ALK: variants seen among roughly 807,000 people sequenced by gnomAD.
ALK encodes ALK receptor tyrosine kinase.
A neutral mutation model predicts 163.1 loss-of-function variants in ALK; 74 were observed. That is an observed-to-expected ratio of 0.45 (90% CI 0.38 to 0.55). The LOEUF (loss-of-function observed/expected upper bound fraction) is 0.55. ALK is among the 20% of genes least tolerant of loss of function. The pLI is 0.00. For missense variants in ALK, 2,063 were observed against 2,105.3 expected (o/e 0.98, Z 0.39); for synonymous variants, 960 against 843.2 (o/e 1.14, Z -2.40).
At chr2:29,264,875 A>G (rs560829483) in intron 11 of ALK, among the ~76,000 whole-genome samples, 4 of 152,268 alleles carry the variant, frequency 2.6e-5, no homozygotes, top group East Asian at 3.9e-4. Flanking sequence ...TCTCTTACGC[A>G]TGATTGGAAG....
rs150365031 is a variant in ALK at position 29,718,658 on chromosome 2, C to T, written c.668-961G>A. ...CTACATAATGTCACATGATATTCAC[C>T]GTGGCTCTTTGAGATAGAAATGATC... On this transcript the variant is annotated intron_variant, in intron 1 of 28. Transcript: ENST00000389048. Among the ~76,000 whole-genome samples, 52 of 152,288 alleles carry T rather than the reference C, an allele frequency of 3.4e-4. 1 individual carries two copies. The highest frequency in any genetic ancestry group is 1.3e-3 in the African/African-American group (52 of 41,562).
chr2:29,389,981 C>G (rs924708246), intron 4 of ALK, among the ~76,000 whole-genome samples: 7 of 152,124 alleles, frequency 4.6e-5, no homozygotes. Flanking sequence ...AGGCTTGGAC[C>G]AAGTCAATAT....
intron 26 of ALK, among the ~76,000 whole-genome samples, chr2:29,206,276 TTCCC>T (rs1325250925): frequency 6.7e-6 from 1 of 148,762 alleles, no homozygotes; most frequent in Non-Finnish European, 1.5e-5. Flanking sequence ...CTCTCTCTCG[TTCCC>T]TCCCTCCCTC....
At chr2:29,845,952 G>A (rs915637757) in intron 1 of ALK, among the ~76,000 whole-genome samples, 2 of 152,154 alleles carry the variant, frequency 1.3e-5, no homozygotes, top group Non-Finnish European at 2.9e-5. Context: ...TCCCATCCAA[G>A]GTTCATACTA....
At chr2:29,244,533 G>A (rs1350142023) in intron 12 of ALK, among the ~76,000 whole-genome samples, 3 of 152,182 alleles carry the variant, frequency 2.0e-5, no homozygotes, top group African/African-American at 2.4e-5. Context: ...TTCTCCCTTA[G>A]CACCTTCCTG....
At chr2:29,711,685 G>A (rs1490321867) in intron 2 of ALK, among the ~76,000 whole-genome samples, 1 of 152,054 alleles carries the variant, frequency 6.6e-6, no homozygotes, top group African/African-American at 2.4e-5. Flanking sequence ...GCACTAAGGA[G>A]CCACCTGCCC....
At chr2:29,808,818 T>A (rs1314047886) in intron 1 of ALK, among the ~76,000 whole-genome samples, 1 of 152,302 alleles carries the variant, frequency 6.6e-6, no homozygotes, top group Non-Finnish European at 1.5e-5. Flanking sequence ...CACAATTGCA[T>A]CTTGATGGAT....
chr2:29,895,732 C>T lies in ALK; in HGVS notation c.667+24261G>A, dbSNP rs143708483. ...CCCTAGCCATCTCAATTCAACAGTT[C>T]ATTGTGAGCCTCCATCTGCTTAATT... is the stretch of plus-strand genomic sequence containing the variant. On this transcript the variant is annotated intron_variant, in intron 1 of 28. Transcript: ENST00000389048. Among the ~76,000 whole-genome samples, 639 of 152,302 alleles carry T rather than the reference C, an allele frequency of 4.2e-3. 4 individuals carry two copies. Among genetic ancestry groups the T allele is most frequent in the Middle Eastern group, 6.8e-3 (2 of 294 alleles).
chr2:29,334,049 C>A (rs772748402), intron 5 of ALK, among the ~76,000 whole-genome samples: 30 of 152,218 alleles, frequency 2.0e-4, no homozygotes, highest in Admixed American at 7.2e-4. Context: ...GGCTTCCCCT[C>A]TCCTCTGGGG....
rs76648822 is a variant in ALK at position 29,865,736 on chromosome 2, A to C, written c.667+54257T>G. Among the ~76,000 whole-genome samples the C allele has an allele frequency of 4.0e-3, 608 of 152,352 alleles. 7 individuals carry two copies. Among genetic ancestry groups the C allele is most frequent in the African/African-American group, 0.014 (577 of 41,568 alleles). On this transcript the variant is annotated intron_variant, in intron 1 of 28. Coordinates refer to ENST00000389048, the MANE Select transcript of ALK (RefSeq NM_004304.5). ...AGTACAAGGAAACTGAAAGTTGAAA[A>C]GATAAGTTTACTCAAATAGGTAATG...
intron 24 of ALK, among the ~76,000 whole-genome samples, chr2:29,211,776 AC>A (rs1669473131): frequency 6.6e-6 from 1 of 152,246 alleles, no homozygotes; most frequent in Admixed American, 6.5e-5. Context: ...CCCCAGAAGG[AC>A]AGTTTCTGCC....
chr2:29,639,419 C>T (rs1323776538), intron 3 of ALK, among the ~76,000 whole-genome samples: 7 of 152,150 alleles, frequency 4.6e-5, no homozygotes, highest in Non-Finnish European at 8.8e-5. Context: ...GCAAGTTAAA[C>T]GGAATGTATC....
chr2:29,395,491 C>A (rs895663641), intron 4 of ALK, among the ~76,000 whole-genome samples: 1 of 152,054 alleles, frequency 6.6e-6, no homozygotes, highest in African/African-American at 2.4e-5. Context: ...AGAACATGAC[C>A]CCAAGGTATG....
At chr2:29,714,881 C>T (rs893340972) in intron 2 of ALK, among the ~76,000 whole-genome samples, 47 of 152,298 alleles carry the variant, frequency 3.1e-4, no homozygotes, top group African/African-American at 1.1e-3. Flanking sequence ...CCACCAACAT[C>T]CTTAAGGGGA....
chr2:29,520,494 G>A (rs956383954), intron 4 of ALK, among the ~76,000 whole-genome samples: 2 of 152,172 alleles, frequency 1.3e-5, no homozygotes, highest in Non-Finnish European at 2.9e-5. Flanking sequence ...GAAGACATGT[G>A]AAAGAACAAA....
chr2:29,722,974 C>T (rs917956228), intron 1 of ALK, among the ~76,000 whole-genome samples: 10 of 152,196 alleles, frequency 6.6e-5, no homozygotes, highest in Non-Finnish European at 1.5e-4. Flanking sequence ...CTTGATGGCT[C>T]TACCTGAATT....
At chr2:29,795,638 G>A (rs1005540911) in intron 1 of ALK, among the ~76,000 whole-genome samples, 4 of 152,182 alleles carry the variant, frequency 2.6e-5, no homozygotes, top group South Asian at 2.1e-4. Flanking sequence ...CAAAAGATAA[G>A]TTATTATGTA....
chr2:29,213,067 C>G (rs1669506930), intron 24 of ALK, among the ~76,000 whole-genome samples: 2 of 152,192 alleles, frequency 1.3e-5, no homozygotes, highest in Admixed American at 6.5e-5. Context: ...TATGAACATG[C>G]CTTAAACTCT....
intron 5 of ALK, among the ~76,000 whole-genome samples, chr2:29,367,369 A>G (rs1012070836): frequency 1.3e-5 from 2 of 152,236 alleles, no homozygotes; most frequent in African/African-American, 4.8e-5. Flanking sequence ...TGACTTGGCC[A>G]CTTGGTAGCT....
Sources: gnomAD v4.1 joint callset for allele counts (sites outside exome capture counted in the v4.1 genomes callset) on GRCh38, gnomAD v4.1.1 for gene constraint, MANE v1.5 for transcripts, NCBI Gene and HGNC (gene_info 2026-07-23, HGNC 2026-07-21) for gene names.